TACC1: variants seen among roughly 807,000 people sequenced by gnomAD.
TACC1 encodes the protein transforming acidic coiled-coil containing protein 1.
TACC1 carries 48 observed loss-of-function variants against 84.4 expected under a neutral mutation model. The ratio of observed to expected loss-of-function variants is 0.57; its 90% CI spans 0.45 to 0.72. TACC1 has a LOEUF of 0.72. Among genes scored for constraint, TACC1 ranks in the 30% least tolerant of loss-of-function variants. The pLI, the probability that TACC1 is intolerant of heterozygous loss-of-function variation, is 0.00. For missense variants in TACC1, 920 were observed against 973.0 expected (o/e 0.95, Z 0.72); for synonymous variants, 372 against 376.3 (o/e 0.99, Z 0.13).
At chr8:38,808,023 G>A (rs1437287216) in intron 2 of TACC1, among the ~76,000 whole-genome samples, 1 of 152,170 alleles carries the variant, frequency 6.6e-6, no homozygotes, top group Non-Finnish European at 1.5e-5. Context: ...GCAACAAATG[G>A]GCCAGAAGTG....
chr8:38,736,459 T>TA (rs1320401932), intron 1 of TACC1, among the ~76,000 whole-genome samples: 2 of 151,220 alleles, frequency 1.3e-5, no homozygotes, highest in African/African-American at 4.9e-5. Context: ...CTACAAAAAA[T>TA]AAAAAAATTA....
intron 3 of TACC1, among the ~76,000 whole-genome samples, chr8:38,752,229 A>G (rs1809175269): frequency 6.6e-6 from 1 of 152,144 alleles, no homozygotes; most frequent in Non-Finnish European, 1.5e-5. Flanking sequence ...CCAGCACCTG[A>G]CAGGCTGAGG....
intron 4 of TACC1, among the ~76,000 whole-genome samples, chr8:38,825,761 A>G (rs1021843656): frequency 5.3e-5 from 8 of 152,228 alleles, no homozygotes; most frequent in African/African-American, 1.9e-4. Flanking sequence ...CAATAGAGGA[A>G]AACCTGAGTT....
chr8:38,781,890 A>G (rs2151947183), intron 3 of TACC1, among the ~76,000 whole-genome samples: 1 of 151,490 alleles, frequency 6.6e-6, no homozygotes, highest in East Asian at 1.9e-4. Context: ...AAACTCTCAG[A>G]CTTGGAGTTG....
intron 9 of TACC1, 161 bp downstream of exon 9, chr8:38,840,428 T>C (rs974839036): frequency 2.7e-5 from 16 of 584,650 alleles, no homozygotes; most frequent in South Asian, 6.6e-5. Context: ...AGATGAGATG[T>C]CTGGGGAGGG....
chr8:38,826,531 A>G (rs1047320456), intron 4 of TACC1, among the ~76,000 whole-genome samples: 4 of 152,238 alleles, frequency 2.6e-5, no homozygotes, highest in African/African-American at 7.2e-5. Flanking sequence ...GACTTAAAGA[A>G]AAAAGTTTCA....
intron 2 of TACC1, among the ~76,000 whole-genome samples, chr8:38,798,606 CGTGTGTGT>C (rs10631964): frequency 6.8e-4 from 97 of 143,508 alleles, no homozygotes; most frequent in African/African-American, 2.2e-3. Context: ...CTGGGTTCTG[CGTGTGTGT>C]GTGTGTGTGT....
chr8:38,818,150 A>G (rs1825859896), intron 2 of TACC1, among the ~76,000 whole-genome samples: 1 of 148,968 alleles, frequency 6.7e-6, no homozygotes, highest in South Asian at 2.1e-4. Context: ...TGGGAGGATC[A>G]CTTGAGCCTG....
In TACC1 at chr8:38,848,066, T is replaced by A. The variant is rs1367802696; in HGVS notation, c.*43T>A. Reference sequence around the variant, plus strand: ...CTCAACAGATCTGCATTTGGCTGCTTCTCTTGTGACCACAATTATCTTGCC... The same window carrying A: ...CTCAACAGATCTGCATTTGGCTGCTACTCTTGTGACCACAATTATCTTGCC... On this transcript the variant is annotated 3_prime_UTR_variant, in exon 13 of 13. Coordinates refer to ENST00000317827, the MANE Select transcript of TACC1 (RefSeq NM_006283.3). 6.4e-7 allele frequency: 1 copy of A among 1,566,022 alleles called. No homozygotes were observed. The highest frequency in any genetic ancestry group is 2.3e-5 in the East Asian group (1 of 44,362).
intron 7 of TACC1, among the ~76,000 whole-genome samples, chr8:38,837,396 C>G (rs1830445333): frequency 1.3e-5 from 2 of 152,084 alleles, no homozygotes; most frequent in Non-Finnish European, 1.5e-5. Flanking sequence ...GCACTCCAAC[C>G]TGGGCAACAA....
In TACC1 at chr8:38,819,733, G is replaced by A. The variant is rs148291995; in HGVS notation, c.489G>A (p.Ser163=). 3.7e-4 allele frequency: 592 copies of A among 1,614,050 alleles called. 2 individuals carry two copies. The highest frequency in any genetic ancestry group is 4.5e-4 in the Non-Finnish European group (530 of 1,180,040). ...SIETKDSTDI[S]AVLGTKAAHG... ...AAACGAAGGATTCCACGGATATCTC[G>A]GCAGTCCTCGGAACAAAAGCAGCTC... is the stretch of plus-strand genomic sequence containing the variant. The change falls in exon 3 of 13, where the codon TCG becomes TCA. Residue 163 remains serine, a synonymous_variant. Transcript: ENST00000317827.
At chr8:38,847,257 C>T (rs905954993) in intron 12 of TACC1, among the ~76,000 whole-genome samples, 2 of 152,104 alleles carry the variant, frequency 1.3e-5, no homozygotes, top group African/African-American at 4.8e-5. Flanking sequence ...TGGTTGTCAC[C>T]ACTGGGAGAT....
At chr8:38,743,784 G>A (rs1191863258) in intron 2 of TACC1, among the ~76,000 whole-genome samples, 3 of 152,212 alleles carry the variant, frequency 2.0e-5, no homozygotes, top group Non-Finnish European at 4.4e-5. Flanking sequence ...CTATTTGGGA[G>A]GATGAGGCAG....
intron 3 of TACC1, among the ~76,000 whole-genome samples, chr8:38,824,272 C>T (rs1009250614): frequency 2.0e-5 from 3 of 152,192 alleles, no homozygotes; most frequent in Non-Finnish European, 4.4e-5. Context: ...GCAGGTGTCA[C>T]GTGGCGCTTT....
At chr8:38,732,183 AG>A (rs33969394) in intron 1 of TACC1, among the ~76,000 whole-genome samples, 19,289 of 119,938 alleles carry the variant, frequency 0.16, 1,424 homozygotes, top group African/African-American at 0.23. Flanking sequence ...GAAGGAAGGA[AG>A]AGGGAAAGGA....
At chr8:38,792,137 T>C (rs1176219238) in intron 2 of TACC1, among the ~76,000 whole-genome samples, 1 of 152,252 alleles carries the variant, frequency 6.6e-6, no homozygotes, top group East Asian at 1.9e-4. Flanking sequence ...CTGGTAGCTG[T>C]AAAGCTTGGG....
At position 38,773,601 on chromosome 8, in the gene TACC1, T is replaced by TCTAGCTATCTATCTAG. The variant is rs1563382334; in HGVS notation, c.27-15099_27-15084dup. Among the ~76,000 whole-genome samples the TCTAGCTATCTATCTAG allele has an allele frequency of 2.5e-4, 37 of 149,358 alleles. 3 individuals are homozygous for TCTAGCTATCTATCTAG. Among genetic ancestry groups the TCTAGCTATCTATCTAG allele is most frequent in the African/African-American group, 8.7e-4 (34 of 39,136 alleles). ...AGCTATCTATCTAGCTATCTATCTA[T>TCTAGCTATCTATCTAG]CTAGCTATCTATCTAGCTATCTATC... On this transcript the variant is annotated intron_variant, in intron 3 of 14. Coordinates refer to the TACC1 transcript ENST00000518415.
intron 2 of TACC1, among the ~76,000 whole-genome samples, chr8:38,811,176 A>T (rs115346039): frequency 0.022 from 3,406 of 152,018 alleles, 119 homozygotes; most frequent in African/African-American, 0.077. Context: ...TTTGAAATGA[A>T]ATATGGAATG....
intron 3 of TACC1, among the ~76,000 whole-genome samples, chr8:38,824,410 TA>T (rs143258204): frequency 0.024 from 3,655 of 152,314 alleles, 53 homozygotes; most frequent in Non-Finnish European, 0.035. Flanking sequence ...GAACAGTTAA[TA>T]AATTTTACTG....
Sources: gnomAD v4.1 joint callset for allele counts (sites outside exome capture counted in the v4.1 genomes callset) on GRCh38, gnomAD v4.1.1 for gene constraint, MANE v1.5 for transcripts, NCBI Gene and HGNC (gene_info 2026-07-23, HGNC 2026-07-21) for gene names.